ARHGEF7: variants seen among roughly 807,000 people sequenced by gnomAD.
ARHGEF7 encodes Rho guanine nucleotide exchange factor 7, also known as PAK-interacting exchange factor beta.
A neutral mutation model predicts 109.8 loss-of-function variants in ARHGEF7; 33 were observed. That is an observed-to-expected ratio of 0.30 (90% CI 0.23 to 0.40). The LOEUF (loss-of-function observed/expected upper bound fraction) is 0.40, where lower values mean the gene tolerates loss of function less well. ARHGEF7 is among the 10% of genes least tolerant of loss of function. The pLI is 1.00. For missense variants in ARHGEF7, 938 were observed against 1,098.5 expected, an observed-to-expected ratio of 0.85 and a Z score of 2.07; for synonymous variants, 458 against 424.6, an observed-to-expected ratio of 1.08 and a Z score of -0.97.
Position 111,290,810 on chromosome 13 carries a change from AAC to A in ARHGEF7, c.2135-1307_2135-1306del, listed in dbSNP as rs1442472869. On this transcript the variant is annotated intron_variant, in intron 18 of 21. Coordinates refer to ENST00000646102, the MANE Select transcript of ARHGEF7 (RefSeq NM_001354046.2). ...AGCTTGCAGTCATATATGCCCTTTA[AAC>A]CTAACACTCAAAACTAGGGAGTAAT... Among the ~76,000 whole-genome samples the A allele has an allele frequency of 2.0e-5, 3 of 152,344 alleles. No individual in the cohort carries two copies. The East Asian group carries it at 5.8e-4, about 29-fold the overall frequency.
At chr13:111,165,775 C>G (rs956655711) in intron 2 of ARHGEF7, among the ~76,000 whole-genome samples, 1 of 152,176 alleles carries the variant, frequency 6.6e-6, no homozygotes, top group Non-Finnish European at 1.5e-5. Context: ...TGCATAGTCT[C>G]TCATTTTCTA....
chr13:111,292,366 T>C, intron 19 of ARHGEF7, 72 bp downstream of exon 19: 1 of 1,592,286 alleles, frequency 6.3e-7, no homozygotes, highest in Non-Finnish European at 8.6e-7. Flanking sequence ...AAATGCTTGT[T>C]GTATCGCAGC....
intron 2 of ARHGEF7, among the ~76,000 whole-genome samples, chr13:111,190,745 G>T (rs562535252): frequency 1.3e-4 from 20 of 152,186 alleles, no homozygotes; most frequent in Non-Finnish European, 2.5e-4. Flanking sequence ...AAAGACTAAG[G>T]TGCAGGTGCC....
At chr13:111,161,326 A>G (rs763923076) in intron 2 of ARHGEF7, among the ~76,000 whole-genome samples, 1 of 152,086 alleles carries the variant, frequency 6.6e-6, no homozygotes, top group Non-Finnish European at 1.5e-5. Context: ...GCCCATGATT[A>G]TCAGGTATTT....
intron 1 of ARHGEF7, chr13:111,144,231 C>T (rs1431671250): frequency 2.6e-5 from 4 of 152,180 alleles, no homozygotes. Context: ...TTTGTTTGTT[C>T]CCAGATGGCT....
chr13:111,288,809 C>T (rs1417162412), intron 18 of ARHGEF7, among the ~76,000 whole-genome samples: 1 of 152,182 alleles, frequency 6.6e-6, no homozygotes, highest in African/African-American at 2.4e-5. Flanking sequence ...TGGTGTAGTA[C>T]TGGAATTTTT....
chr13:111,151,057 C>T (rs183332913), intron 1 of ARHGEF7, among the ~76,000 whole-genome samples: 1 of 152,294 alleles, frequency 6.6e-6, no homozygotes, highest in East Asian at 1.9e-4. Context: ...GTTTTGGGCT[C>T]TGTACACCAT....
chr13:111,259,971 G>C (rs56132982), intron 8 of ARHGEF7, among the ~76,000 whole-genome samples: 1 of 152,060 alleles, frequency 6.6e-6, no homozygotes, highest in Non-Finnish European at 1.5e-5. Flanking sequence ...TGTAGTTGAC[G>C]TACTGAAAAA....
chr13:111,234,611 A>C (rs946911654), intron 6 of ARHGEF7, among the ~76,000 whole-genome samples: 3 of 151,996 alleles, frequency 2.0e-5, no homozygotes, highest in Admixed American at 2.0e-4. Context: ...AGGTCTCCTC[A>C]TGCATCATGC....
chr13:111,224,948 CAA>C (rs1192439022), intron 5 of ARHGEF7, among the ~76,000 whole-genome samples: 1 of 152,086 alleles, frequency 6.6e-6, no homozygotes, highest in Non-Finnish European at 1.5e-5. Context: ...TGTTTTTAAA[CAA>C]GAGAGAAGAA....
intron 16 of ARHGEF7, 29 bp from the exon 17 acceptor site, chr13:111,286,118 T>A: frequency 6.4e-7 from 1 of 1,562,814 alleles, no homozygotes; most frequent in African/African-American, 1.4e-5. Context: ...CTTTAGAGTA[T>A]GTTAGCATTT....
rs776053802 is a variant in ARHGEF7, at chr13:111,288,339, C to T, written c.2045-15C>T. 8.7e-6 allele frequency: 14 copies of T among 1,601,816 alleles called. No individual in the cohort carries two copies. The highest frequency in any genetic ancestry group is 4.5e-5 in the East Asian group (2 of 44,834). ...CTTTCAGTTCGACTGTGAACTGTTG[C>T]GCATCTCTTGACAGGCACAGCTGCT... is the stretch of plus-strand genomic sequence containing the variant. On this transcript the variant is annotated splice_polypyrimidine_tract_variant and intron_variant, in intron 17 of 21. Coordinates refer to ENST00000646102, the MANE Select transcript of ARHGEF7 (RefSeq NM_001354046.2).
chr13:111,289,848 A>G (rs1448249123), intron 18 of ARHGEF7, among the ~76,000 whole-genome samples: 1 of 152,070 alleles, frequency 6.6e-6, no homozygotes, highest in African/African-American at 2.4e-5. Context: ...TATCCCGTCT[A>G]TGACATTAAG....
At chr13:111,125,134 C>G (rs1191445087) in intron 1 of ARHGEF7, among the ~76,000 whole-genome samples, 1 of 151,994 alleles carries the variant, frequency 6.6e-6, no homozygotes, top group Non-Finnish European at 1.5e-5. Flanking sequence ...GATTTTTTTT[C>G]AAGAGAAGTG....
chr13:111,278,728 C>A (rs1007929849), intron 13 of ARHGEF7, among the ~76,000 whole-genome samples: 2 of 152,208 alleles, frequency 1.3e-5, no homozygotes, highest in Non-Finnish European at 2.9e-5. Context: ...CCTTGATAAA[C>A]CTAAATCTCT....
Position 111,255,476 on chromosome 13 carries a change from T to C in ARHGEF7, c.950+11182T>C, listed in dbSNP as rs1595230108. Among the ~76,000 whole-genome samples, 2 of 152,082 alleles carry C rather than the reference T, an allele frequency of 1.3e-5. No individual in the cohort carries two copies. Among genetic ancestry groups the C allele is most frequent in the Non-Finnish European group, 2.9e-5 (2 of 68,028 alleles). On this transcript the variant is annotated intron_variant, in intron 8 of 21. Transcript: ENST00000646102. This position sits in a 1 kb window ranked among gnomAD's most constrained non-coding sequence, Gnocchi z 4.1. ...TCACCCACCCAGAGTCTTGCGGAGG[T>C]AAAGTGGCCTGGTACTTACGGAACC... is the stretch of plus-strand genomic sequence containing the variant.
intron 21 of ARHGEF7, among the ~76,000 whole-genome samples, chr13:111,302,191 A>T (rs989487846): frequency 2.6e-5 from 4 of 152,188 alleles, no homozygotes; most frequent in Non-Finnish European, 5.9e-5. Flanking sequence ...AGTGGCGACT[A>T]ACCAAGGGTG....
intron 5 of ARHGEF7, among the ~76,000 whole-genome samples, chr13:111,229,835 G>A (rs1420645506): frequency 2.0e-5 from 3 of 152,204 alleles, no homozygotes; most frequent in Non-Finnish European, 4.4e-5. Context: ...CTAAGCAGGT[G>A]CGGGCTCTGG....
chr13:111,275,475 G>A (rs545939852), intron 11 of ARHGEF7, 57 bp from the exon 12 acceptor site: 52 of 1,586,024 alleles, frequency 3.3e-5, no homozygotes, highest in African/African-American at 2.8e-4. Context: ...CAATGTGGCC[G>A]GAACTTAACA....
Sources: allele counts gnomAD v4.1 joint callset (sites outside exome capture counted in the v4.1 genomes callset), GRCh38; gene constraint gnomAD v4.1.1; non-coding constraint Gnocchi (gnomAD v3.1); transcripts MANE v1.5; gene names NCBI Gene and HGNC (gene_info 2026-07-23, HGNC 2026-07-21).